Variants in MADCAM1 observed in about 807,000 individuals in gnomAD.
MADCAM1 encodes the protein mucosal addressin cell adhesion molecule 1.
Under a neutral mutation model 26.1 loss-of-function variants are expected in MADCAM1, and 19 were observed. The ratio of observed to expected loss-of-function variants is 0.73; its 90% confidence interval spans 0.51 to 1.07. The LOEUF is 1.07. Among genes scored for constraint, MADCAM1 ranks in the 50% least tolerant of loss-of-function variants. The pLI is 0.00. For missense variants in MADCAM1, 514 were observed against 542.1 expected (o/e 0.95, Z 0.51); for synonymous variants, 268 against 260.9 (o/e 1.03, Z -0.26).
At chr19:503,325 T>G (rs896516292) in intron 4 of MADCAM1, among the ~76,000 whole-genome samples, 3 of 148,534 alleles carry the variant, frequency 2.0e-5, no homozygotes, top group Admixed American at 1.4e-4. Context: ...CTTATGCCTG[T>G]AATCCCTGCA....
intron 4 of MADCAM1, among the ~76,000 whole-genome samples, chr19:503,330 C>T (rs1454929612): frequency 6.7e-6 from 1 of 150,242 alleles, no homozygotes. Context: ...GCCTGTAATC[C>T]CTGCACTTTG....
Position 498,957 on chromosome 19 carries a change from G to A in MADCAM1, c.667+132G>A. 3.1e-6 allele frequency: 4 copies of A among 1,296,380 alleles called. No individual in the cohort carries two copies. In the South Asian group the frequency reaches 3.9e-5, roughly 13 times the overall value. 80.3% of individuals were successfully genotyped at this position (1,296,380 alleles called of 1,614,324 possible). ...GGAGGACTGGATTCCCCCACGCAGCGACAGCGACATTCATCGACGCAACAT... is the reference window on the plus strand; with the variant it reads ...GGAGGACTGGATTCCCCCACGCAGCAACAGCGACATTCATCGACGCAACAT... On this transcript the variant is annotated intron_variant, in intron 3 of 4. Coordinates refer to ENST00000215637, the MANE Select transcript of MADCAM1 (RefSeq NM_130760.3).
intron 4 of MADCAM1, among the ~76,000 whole-genome samples, chr19:502,974 A>G (rs1978413087): frequency 6.6e-6 from 1 of 152,244 alleles, no homozygotes; most frequent in Non-Finnish European, 1.5e-5. Context: ...AGGAAGGGGC[A>G]TAAGCTATGA....
At chr19:502,789 C>T (rs1339882753) in intron 4 of MADCAM1, among the ~76,000 whole-genome samples, 3 of 152,214 alleles carry the variant, frequency 2.0e-5, no homozygotes, top group Non-Finnish European at 2.9e-5. Flanking sequence ...ACATTTGGGT[C>T]GCCCTTACTG....
At chr19:503,840 G>T (rs1978480912) in intron 4 of MADCAM1, among the ~76,000 whole-genome samples, 1 of 152,086 alleles carries the variant, frequency 6.6e-6, no homozygotes, top group African/African-American at 2.4e-5. Context: ...CTGAGGTCAG[G>T]AGTTCGAGAC....
In MADCAM1 at chr19:498,548, G is replaced by A. The variant is rs771980595; in HGVS notation, c.390G>A (p.Pro130=). Residue 130 remains proline (P), a synonymous_variant, in exon 3 of 5, where the codon CCG becomes CCA. Coordinates refer to ENST00000215637, the MANE Select transcript of MADCAM1 (RefSeq NM_130760.3). ...VSPAALVPGD[P]EVACTAHKVT... is the part of the protein sequence containing the mutation. ...CAGCAGCCCTGGTGCCTGGTGACCC[G>A]GAGGTGGCCTGTACGGCCCACAAAG... 2.7e-6 allele frequency: 4 copies of A among 1,470,128 alleles called. No individual in the cohort carries two copies. Among genetic ancestry groups the A allele is most frequent in the Admixed American group, 5.3e-5 (2 of 37,454 alleles). The allele number at this position is 1,470,128 out of a possible 1,614,324, so 91.1% of individuals were successfully genotyped here. A position where few individuals can be genotyped will look rare whatever the true frequency, so the allele number is the denominator to read the frequency against.
chr19:499,080 C>G, intron 3 of MADCAM1: 1 of 684,674 alleles, frequency 1.5e-6, no homozygotes, highest in Non-Finnish European at 2.7e-6. Flanking sequence ...CAAGTCCTCC[C>G]GGGGGCCCAC....
In MADCAM1 at chr19:501,900, C is replaced by G. The variant is rs3745925; in HGVS notation, c.899C>G (p.Pro300Arg). 1 of 1,546,012 alleles carries G rather than the reference C, an allele frequency of 6.5e-7. No homozygotes were observed. Among genetic ancestry groups the G allele is most frequent in the African/African-American group, 1.4e-5 (1 of 72,736 alleles). Reference sequence around the variant, plus strand: ...CGCCCTGAGATCTCCCAGGCTGGGCCCACGCAGGGAGAAGTGATCCCAACA... The same window carrying G: ...CGCCCTGAGATCTCCCAGGCTGGGCGCACGCAGGGAGAAGTGATCCCAACA... The part of the protein sequence containing the change: ...TRRPEISQAG[P>R]TQGEVIPTGS... The change falls in exon 4 of 5, where the codon CCC becomes CGC. Residue 300 changes from proline to arginine, a missense_variant. Pro to Arg is a moderately radical substitution (Grantham distance 103). Coordinates refer to ENST00000215637, the MANE Select transcript of MADCAM1 (RefSeq NM_130760.3).
intron 2 of MADCAM1, 39 bp from the exon 3 acceptor site, chr19:498,433 GCCCCTCCATCACGTCCAGCCCTGA>G (rs1978296745): frequency 7.1e-6 from 10 of 1,403,938 alleles, no homozygotes; most frequent in Non-Finnish European, 9.2e-6. Flanking sequence ...CCGGGCTCCG[GCCCCTCCATCACGTCCAGCCCTGA>G]CTCTGGGCTC....
At chr19:504,565 C>A (rs1978517777) in intron 4 of MADCAM1, among the ~76,000 whole-genome samples, 180 bp from the exon 5 acceptor site, 1 of 152,104 alleles carries the variant, frequency 6.6e-6, no homozygotes, top group African/African-American at 2.4e-5. Context: ...GCCTGGACTG[C>A]CCATTTCTAA....
intron 3 of MADCAM1, among the ~76,000 whole-genome samples, chr19:499,520 G>A (rs1236816187): frequency 6.6e-6 from 1 of 152,152 alleles, no homozygotes; most frequent in East Asian, 1.9e-4. Flanking sequence ...CCACACGCGT[G>A]TACAAACACA....
intron 3 of MADCAM1, chr19:499,926 G>A (rs1037771495): frequency 8.9e-6 from 4 of 448,096 alleles, no homozygotes; most frequent in Non-Finnish European, 1.8e-5. Context: ...ACGTGAGGTC[G>A]TGAGTTTCAA....
intron 2 of MADCAM1, 141 bp downstream of exon 2, chr19:498,258 T>A (rs1978295849): frequency 3.1e-6 from 3 of 956,148 alleles, no homozygotes; most frequent in Non-Finnish European, 4.2e-6. Context: ...GTCCCCGGCC[T>A]TCGCTTCCCT....
At position 503,309 on chromosome 19, in the gene MADCAM1, C is replaced by T. The variant is rs138299547; in HGVS notation, c.928+1380C>T. ...CTCAAAAAAAAAAATGGGCCGGGCA[C>T]GGTGGCTTATGCCTGTAATCCCTGC... On this transcript the variant is annotated intron_variant, in intron 4 of 4. Coordinates refer to ENST00000215637, the MANE Select transcript of MADCAM1 (RefSeq NM_130760.3). Among the ~76,000 whole-genome samples, 800 of 142,138 alleles carry T rather than the reference C, an allele frequency of 5.6e-3. 59 individuals carry two copies. In the East Asian group the frequency reaches 0.14, roughly 25 times the overall value. The allele number at this position is 142,138 out of a possible 152,430, so 93.2% of individuals were successfully genotyped here.
Position 505,037 on chromosome 19 carries a change from C to A in MADCAM1, c.*72C>A. On this transcript the variant is annotated 3_prime_UTR_variant, in exon 5 of 5. Transcript: ENST00000215637. ...CAAGTTGAGAACTGGTCAGGGCAAA[C>A]CTGCCTCCCATTCTACTCAAAGTCA... 1 of 1,118,338 alleles carries A rather than the reference C, an allele frequency of 8.9e-7. No individual in the cohort carries two copies. Among genetic ancestry groups the A allele is most frequent in the Middle Eastern group, 2.1e-4 (1 of 4,770 alleles). The allele number at this position is 1,118,338 out of a possible 1,614,324, so 69.3% of individuals were successfully genotyped here. A position where few individuals can be genotyped will look rare whatever the true frequency, so the allele number is the denominator to read the frequency against.
Position 504,944 on chromosome 19 carries a change from G to T in MADCAM1, c.1128G>T (p.Gln376His). The T allele has an allele frequency of 6.3e-7, 1 of 1,599,908 alleles. No homozygotes were observed. The highest frequency in any genetic ancestry group is 8.6e-7 in the Non-Finnish European group (1 of 1,169,370). Residue 376 changes from glutamine (Q) to histidine (H), a missense_variant, in exon 5 of 5, where the codon CAG becomes CAT. Physicochemically the swap from Gln to His is conservative, Grantham distance 24. Around this residue, in one of 3 missense-constraint regions of MADCAM1, gnomAD observed 152 missense variants for 136.7 expected, o/e 1.11. Coordinates refer to ENST00000215637, the MANE Select transcript of MADCAM1 (RefSeq NM_130760.3). ...SAWAGLRGTG[Q>H]VGISPS is the part of the protein sequence containing the mutation. ...GGGCTGGGTTAAGGGGGACCGGCCAGGTCGGGATCAGCCCCTCCTGAGTGG... is the reference window on the plus strand; with the variant it reads ...GGGCTGGGTTAAGGGGGACCGGCCATGTCGGGATCAGCCCCTCCTGAGTGG...
Position 496,498 on chromosome 19 carries a change from G to A in MADCAM1, c.-2G>A, listed in dbSNP as rs1238963175. 7.6e-7 allele frequency: 1 copy of A among 1,310,630 alleles called. No individual in the cohort carries two copies. The highest frequency in any genetic ancestry group is 9.8e-7 in the Non-Finnish European group (1 of 1,022,252). 81.2% of individuals were successfully genotyped at this position (1,310,630 alleles called of 1,614,324 possible). A position where few individuals can be genotyped will look rare whatever the true frequency, so the allele number is the denominator to read the frequency against. ...GCGGCCTCGGGACAGAGGGGACTGAGCATGGATTTCGGACTGGCCCTCCTG... is the reference window on the plus strand; with the variant it reads ...GCGGCCTCGGGACAGAGGGGACTGAACATGGATTTCGGACTGGCCCTCCTG... On this transcript the variant is annotated 5_prime_UTR_variant, in exon 1 of 5. Transcript: ENST00000215637.
Position 505,066 on chromosome 19 carries a change from C to G in MADCAM1, c.*101C>G. ...CCTCCCATTCTACTCAAAGTCATCC[C>G]TCTGTTCACAGAGATGGATGCATGT... On this transcript the variant is annotated 3_prime_UTR_variant, in exon 5 of 5. Coordinates refer to ENST00000215637, the MANE Select transcript of MADCAM1 (RefSeq NM_130760.3). 7 of 861,084 alleles carry G rather than the reference C, an allele frequency of 8.1e-6. No individual in the cohort carries two copies. Among genetic ancestry groups the G allele is most frequent in the South Asian group, 3.6e-5 (2 of 55,152 alleles). The allele number at this position is 861,084 out of a possible 1,614,324, so 53.3% of individuals were successfully genotyped here.
At chr19:500,227 G>A (rs1347820472) in intron 3 of MADCAM1, 3 of 455,916 alleles carry the variant, frequency 6.6e-6, no homozygotes, top group South Asian at 3.1e-5. Context: ...GCCCAAAGAG[G>A]TGACTCTCAC....
Sources: allele counts gnomAD v4.1 joint callset (sites outside exome capture counted in the v4.1 genomes callset), GRCh38; gene constraint gnomAD v4.1.1; regional missense constraint gnomAD v4.1.1; transcripts MANE v1.5; gene names NCBI Gene and HGNC (gene_info 2026-07-23, HGNC 2026-07-21).